ROBO2: variants seen among roughly 807,000 people sequenced by gnomAD.
The protein encoded by ROBO2 is roundabout guidance receptor 2.
ROBO2 carries 53 observed loss-of-function variants against 160.8 expected under a neutral mutation model. The observed-to-expected ratio is 0.33, with a 90% CI of 0.26 to 0.41. The LOEUF (loss-of-function observed/expected upper bound fraction) is 0.41, where lower values mean the gene tolerates loss of function less well. Ranked by LOEUF, ROBO2 falls within the 10% of genes least tolerant of loss-of-function variation. The pLI, the probability that ROBO2 is intolerant of heterozygous loss-of-function variation, is 1.00. For synonymous variants in ROBO2, 664 were observed against 611.7 expected (o/e 1.09, Z -1.26); for missense variants, 1,577 against 1,722.4 (o/e 0.92, Z 1.49).
Position 77,481,175 on chromosome 3 carries a change from T to A in ROBO2, c.623T>A (p.Met208Lys), listed in dbSNP as rs769423024. The stretch of plus-strand genomic sequence containing the variant: ...ATGTATACTTGTGTTGGTACCAATA[T>A]GGTGGGAGAAAGGGACAGTGACCCA... The change falls in exon 4 of 26, where the codon ATG becomes AAG. Residue 208 changes from methionine to lysine, a missense_variant. Transcript: ENST00000461745. 1.2e-6 allele frequency: 2 copies of A among 1,607,464 alleles called. No individual in the cohort carries two copies. The highest frequency in any genetic ancestry group is 4.5e-5 in the East Asian group (2 of 44,672).
intron 2 of ROBO2, among the ~76,000 whole-genome samples, chr3:76,396,038 A>C (rs986082355): frequency 3.3e-5 from 5 of 152,166 alleles, no homozygotes; most frequent in Non-Finnish European, 7.3e-5. Context: ...ATTTTAGACC[A>C]ATAACCTTGA....
intron 2 of ROBO2, among the ~76,000 whole-genome samples, chr3:76,131,052 T>C (rs1400831219): frequency 2.0e-5 from 3 of 152,156 alleles, no homozygotes; most frequent in African/African-American, 4.8e-5. Context: ...TCTTAGTAAT[T>C]GATAGAAATT....
chr3:76,708,317 G>T (rs2107563692), intron 2 of ROBO2, among the ~76,000 whole-genome samples: 2 of 152,200 alleles, frequency 1.3e-5, no homozygotes, highest in Middle Eastern at 3.4e-3. Context: ...CCAAACAAAA[G>T]GTAAACCCAT....
At chr3:75,981,950 C>T (rs1044092939) in intron 2 of ROBO2, among the ~76,000 whole-genome samples, 1 of 151,390 alleles carries the variant, frequency 6.6e-6, no homozygotes, top group Non-Finnish European at 1.5e-5. Context: ...TGGTAACCAC[C>T]CTTCTACTTT....
chr3:76,284,814 G>A (rs1395538515), intron 2 of ROBO2, among the ~76,000 whole-genome samples: 4 of 151,986 alleles, frequency 2.6e-5, no homozygotes, highest in African/African-American at 4.8e-5. Flanking sequence ...GTTCAAACTG[G>A]CAGATTTTTC....
intron 2 of ROBO2, among the ~76,000 whole-genome samples, chr3:76,678,465 C>A (rs539523354): frequency 6.6e-6 from 1 of 152,072 alleles, no homozygotes; most frequent in Non-Finnish European, 1.5e-5. Context: ...TTGTGGAGAT[C>A]CACTGATGAT....
At chr3:77,146,256 G>A (rs1277877105) in intron 2 of ROBO2, among the ~76,000 whole-genome samples, 2 of 152,136 alleles carry the variant, frequency 1.3e-5, no homozygotes, top group East Asian at 1.9e-4. Context: ...AGCTTTGCAT[G>A]TTTGAATTTA....
chr3:77,479,776 G>C (rs1297238371), intron 3 of ROBO2, among the ~76,000 whole-genome samples: 1 of 152,056 alleles, frequency 6.6e-6, no homozygotes, highest in African/African-American at 2.4e-5. Context: ...AATAATCCAG[G>C]ATGACCTTAC....
At chr3:76,537,980 G>T (rs538983322) in intron 2 of ROBO2, among the ~76,000 whole-genome samples, 1 of 152,056 alleles carries the variant, frequency 6.6e-6, no homozygotes, top group African/African-American at 2.4e-5. Flanking sequence ...CAGTCATAGT[G>T]GTGGAAGGTC....
At chr3:77,625,379 C>T (rs1157120086) in intron 23 of ROBO2, among the ~76,000 whole-genome samples, 1 of 151,500 alleles carries the variant, frequency 6.6e-6, no homozygotes, top group African/African-American at 2.4e-5. Flanking sequence ...ATCTTTCTTT[C>T]TTTCTTCTTT....
intron 2 of ROBO2, among the ~76,000 whole-genome samples, chr3:76,073,926 GC>G (rs1275356905): frequency 6.7e-6 from 1 of 149,238 alleles, no homozygotes; most frequent in Non-Finnish European, 1.5e-5. Flanking sequence ...TCTCTGTGGG[GC>G]CCGTGTGGAA....
intron 2 of ROBO2, among the ~76,000 whole-genome samples, chr3:76,486,372 G>A (rs1301080787): frequency 6.6e-6 from 1 of 152,136 alleles, no homozygotes; most frequent in African/African-American, 2.4e-5. Flanking sequence ...CTAATGCTCG[G>A]TGGTTACGCA....
intron 2 of ROBO2, among the ~76,000 whole-genome samples, chr3:76,454,405 G>C (rs973401454): frequency 1.3e-5 from 2 of 152,142 alleles, no homozygotes; most frequent in Non-Finnish European, 1.5e-5. Flanking sequence ...ATAGATGGAG[G>C]TGTATGTGAT....
chr3:75,954,674 T>G (rs926959217), intron 2 of ROBO2, among the ~76,000 whole-genome samples: 1 of 151,932 alleles, frequency 6.6e-6, no homozygotes, highest in African/African-American at 2.4e-5. Context: ...AGTTGTGTAC[T>G]GTACCTCTGC....
chr3:77,046,498 G>A (rs771653762), intron 1 of ROBO2, among the ~76,000 whole-genome samples: 9 of 152,112 alleles, frequency 5.9e-5, no homozygotes, highest in Admixed American at 2.6e-4. Context: ...GCATCTCGGA[G>A]CCATTATGAA....
At chr3:77,545,958 G>A (rs1034826415) in intron 6 of ROBO2, among the ~76,000 whole-genome samples, 9 of 152,166 alleles carry the variant, frequency 5.9e-5, no homozygotes, top group Non-Finnish European at 1.3e-4. Context: ...GACTTTAGAG[G>A]AAGGAGATGG....
intron 2 of ROBO2, among the ~76,000 whole-genome samples, chr3:77,391,474 T>C (rs1241538216): frequency 6.6e-6 from 1 of 151,808 alleles, no homozygotes; most frequent in African/African-American, 2.4e-5. Context: ...CCACCTGTAG[T>C]CCAGCAAGGG....
intron 13 of ROBO2, among the ~76,000 whole-genome samples, chr3:77,571,837 A>AT (rs1019106695): frequency 1.3e-5 from 2 of 151,284 alleles, no homozygotes; most frequent in African/African-American, 2.4e-5. Flanking sequence ...AATCTCACCT[A>AT]TTTTTTTTAA....
intron 2 of ROBO2, among the ~76,000 whole-genome samples, chr3:76,862,994 C>T (rs947521302): frequency 6.6e-6 from 1 of 152,070 alleles, no homozygotes; most frequent in Non-Finnish European, 1.5e-5. Context: ...ATAAAGTCAG[C>T]TTTCTAGAAC....
Sources: allele counts gnomAD v4.1 joint callset (sites outside exome capture counted in the v4.1 genomes callset), GRCh38; gene constraint gnomAD v4.1.1; transcripts MANE v1.5; gene names NCBI Gene and HGNC (gene_info 2026-07-23, HGNC 2026-07-21).